The following AAK1 variants were observed in gnomAD, a reference collection of about 807,000 sequenced individuals.
The protein encoded by AAK1 is AP2 associated kinase 1.
Under a neutral mutation model 116.0 loss-of-function variants are expected in AAK1, and 37 were observed. The ratio of observed to expected loss-of-function variants is 0.32; its 90% CI spans 0.25 to 0.42. The LOEUF (loss-of-function observed/expected upper bound fraction) is 0.42, where lower values mean the gene tolerates loss of function less well. AAK1 is among the 10% of genes least tolerant of loss of function. AAK1 has a pLI of 1.00. For missense variants in AAK1, 919 were observed against 1,170.6 expected, an observed-to-expected ratio of 0.79 and a Z score of 3.14; for synonymous variants, 458 against 439.9, an observed-to-expected ratio of 1.04 and a Z score of -0.51.
intron 2 of AAK1, among the ~76,000 whole-genome samples, chr2:69,608,111 A>C (rs909083701): frequency 6.6e-6 from 1 of 152,232 alleles, no homozygotes; most frequent in African/African-American, 2.4e-5. Flanking sequence ...TAGCTTTCTA[A>C]GAAGCAATGT....
chr2:69,590,716 A>G (rs1197751934), intron 2 of AAK1, among the ~76,000 whole-genome samples: 4 of 152,236 alleles, frequency 2.6e-5, no homozygotes, highest in Admixed American at 2.6e-4. Flanking sequence ...CCATCTACTA[A>G]CTGGAAAAGC....
At chr2:69,590,176 T>C (rs1183033143) in intron 2 of AAK1, among the ~76,000 whole-genome samples, 1 of 152,202 alleles carries the variant, frequency 6.6e-6, no homozygotes. Flanking sequence ...TGTCATTCTC[T>C]ACAGTCTCCA....
At chr2:69,490,987 G>C (rs1424431296) in intron 17 of AAK1, among the ~76,000 whole-genome samples, 1 of 151,834 alleles carries the variant, frequency 6.6e-6, no homozygotes, top group East Asian at 1.9e-4. Context: ...ACCCAGGCTA[G>C]AGTGTAGTAG....
chr2:69,633,812 T>C (rs918452310), intron 2 of AAK1, among the ~76,000 whole-genome samples: 1 of 152,186 alleles, frequency 6.6e-6, no homozygotes, highest in Non-Finnish European at 1.5e-5. Context: ...TATGGAAGCA[T>C]TATCTGACTT....
At chr2:69,489,246 T>C (rs1405484508) in intron 17 of AAK1, among the ~76,000 whole-genome samples, 1 of 149,318 alleles carries the variant, frequency 6.7e-6, no homozygotes, top group Non-Finnish European at 1.5e-5. Flanking sequence ...AGGTCAGGAG[T>C]TCAAGACCAG....
intron 2 of AAK1, among the ~76,000 whole-genome samples, chr2:69,627,788 A>G (rs1455789509): frequency 6.6e-6 from 1 of 152,102 alleles, no homozygotes; most frequent in Non-Finnish European, 1.5e-5. Flanking sequence ...TCCCACTCCA[A>G]CTTTTCTCTA....
intron 10 of AAK1, among the ~76,000 whole-genome samples, chr2:69,524,413 TTTTG>T (rs1237841501): frequency 6.7e-5 from 3 of 44,686 alleles, no homozygotes; most frequent in South Asian, 8.2e-4. Context: ...AACATTCTTT[TTTTG>T]TTTTGTTTTG....
rs1335169109 is a variant in AAK1, at chr2:69,461,423, G to A, written c.*14446C>T. The A allele has an allele frequency of 3.8e-5, 9 of 238,624 alleles. 1 individual carries two copies. Among genetic ancestry groups the A allele is most frequent in the South Asian group, 3.3e-4 (9 of 27,196 alleles). The allele number at this position is 238,624 out of a possible 1,614,324, so 14.8% of individuals were successfully genotyped here. ...CTCTTTAAGGAAATAAGACCCTACTGTAATACAAGTCGGCAGAATCTAACT... is the reference window on the plus strand; with the variant it reads ...CTCTTTAAGGAAATAAGACCCTACTATAATACAAGTCGGCAGAATCTAACT... On this transcript the variant is annotated 3_prime_UTR_variant, in exon 22 of 22. Transcript: ENST00000409085.
At chr2:69,625,899 A>G (rs1199635097) in intron 2 of AAK1, among the ~76,000 whole-genome samples, 1 of 152,086 alleles carries the variant, frequency 6.6e-6, no homozygotes, top group Non-Finnish European at 1.5e-5. Context: ...ACTCCTCCAT[A>G]TCCTTTCCCT....
At chr2:69,492,809 C>T (rs1305543292) in intron 17 of AAK1, among the ~76,000 whole-genome samples, 1 of 152,054 alleles carries the variant, frequency 6.6e-6, no homozygotes. Context: ...CAGGTGTCAG[C>T]TACCACGCCC....
At chr2:69,506,736 T>C (rs1307854164) in intron 15 of AAK1, among the ~76,000 whole-genome samples, 4 of 152,184 alleles carry the variant, frequency 2.6e-5, no homozygotes, top group Non-Finnish European at 5.9e-5. Context: ...TACCACTCAA[T>C]TGGTTCTCAT....
chr2:69,466,239 A>G lies in AAK1; in HGVS notation c.*9630T>C. 7.8e-7 allele frequency: 1 copy of G among 1,289,640 alleles called. No individual in the cohort carries two copies. 79.9% of individuals were successfully genotyped at this position (1,289,640 alleles called of 1,614,324 possible). On this transcript the variant is annotated 3_prime_UTR_variant, in exon 22 of 22. Coordinates refer to ENST00000409085, the MANE Select transcript of AAK1 (RefSeq NM_014911.5). ...AGAGACTTCTGGTGGAGCGAATGGA[A>G]CGGCTCCTCCCAGCTTCCCCGGGGG...
At chr2:69,538,096 G>A (rs112888847) in intron 5 of AAK1, among the ~76,000 whole-genome samples, 1 of 152,188 alleles carries the variant, frequency 6.6e-6, no homozygotes, top group Non-Finnish European at 1.5e-5. Flanking sequence ...CACTGATAAG[G>A]GGGGACAACT....
intron 13 of AAK1, among the ~76,000 whole-genome samples, chr2:69,511,525 C>T (rs1015420228): frequency 7.2e-5 from 11 of 152,202 alleles, no homozygotes; most frequent in Non-Finnish European, 1.6e-4. Flanking sequence ...GTGCCTGTAA[C>T]AGCTGGCTGA....
intron 6 of AAK1, chr2:69,531,599 AC>A: frequency 1.0e-6 from 1 of 988,114 alleles, no homozygotes; most frequent in Non-Finnish European, 1.2e-6. Flanking sequence ...TAACCTACTC[AC>A]CATTATTTCC....
intron 7 of AAK1, 28 bp from the exon 8 acceptor site, chr2:69,530,168 C>T: frequency 6.3e-7 from 1 of 1,589,880 alleles, no homozygotes; most frequent in Non-Finnish European, 8.5e-7. Flanking sequence ...CAGATTGCTA[C>T]TAGTGGCTTA....
Position 69,475,651 on chromosome 2 carries a change from A to G in AAK1, c.*218T>C, listed in dbSNP as rs993725909. 2.2e-6 allele frequency: 3 copies of G among 1,346,008 alleles called. No individual in the cohort carries two copies. The highest frequency in any genetic ancestry group is 2.8e-4 in the Middle Eastern group (1 of 3,538). 83.4% of individuals were successfully genotyped at this position (1,346,008 alleles called of 1,614,324 possible). ...AAGAAGGGTAATGAGAAAACACAGC[A>G]AACTAACAAGGAGGAACTGGCCAAG... On this transcript the variant is annotated 3_prime_UTR_variant, in exon 22 of 22. Coordinates refer to ENST00000409085, the MANE Select transcript of AAK1 (RefSeq NM_014911.5).
intron 16 of AAK1, among the ~76,000 whole-genome samples, chr2:69,500,611 T>C (rs1675928153): frequency 6.8e-6 from 1 of 147,728 alleles, no homozygotes; most frequent in African/African-American, 2.5e-5. Context: ...ATGTTATTAC[T>C]GTCATAACTT....
chr2:69,591,499 A>AT lies in AAK1; in HGVS notation c.164-34522dup, dbSNP rs1157442867. ...CAACGGGGTTAAAGTTGGTTCTATA[A>AT]TTTTTTTTTCTTTTTTTCTTTTTCT... On this transcript the variant is annotated intron_variant, in intron 2 of 21. Coordinates refer to ENST00000409085, the MANE Select transcript of AAK1 (RefSeq NM_014911.5). 1.4e-4 allele frequency among the ~76,000 whole-genome samples: 20 copies of AT among 147,810 alleles called. No individual in the cohort carries two copies. The South Asian group carries it at 3.3e-3, about 24-fold the overall frequency.
Sources: allele counts gnomAD v4.1 joint callset (sites outside exome capture counted in the v4.1 genomes callset), GRCh38; gene constraint gnomAD v4.1.1; transcripts MANE v1.5; gene names NCBI Gene and HGNC (gene_info 2026-07-23, HGNC 2026-07-21).